The following C17orf100 variants were observed in gnomAD, a reference collection of about 807,000 sequenced individuals.
C17orf100 encodes the protein chromosome 17 open reading frame 100, also known as uncharacterized protein C17orf100.
In C17orf100, 1 loss-of-function variant was observed where a neutral mutation model predicts 0.7. That is an observed-to-expected ratio of 1.50 (90% CI 0.53 to 7.13). C17orf100 has a LOEUF of 7.13. Ranked by LOEUF, C17orf100 falls within the 30% of genes most tolerant of loss-of-function variation. The probability of loss-of-function intolerance (pLI) is 0.14; values close to 1 mark genes in which losing one functional copy is unlikely to be tolerated. For synonymous variants in C17orf100, 87 were observed against 84.0 expected (o/e 1.04, Z -0.20); for missense variants, 168 against 171.5 (o/e 0.98, Z 0.11).
Position 6,651,776 on chromosome 17 carries a change from A to G in C17orf100, c.-138A>G. 6.9e-7 allele frequency: 1 copy of G among 1,444,446 alleles called. No homozygotes were observed. The highest frequency in any genetic ancestry group is 9.0e-7 in the Non-Finnish European group (1 of 1,105,262). The allele number at this position is 1,444,446 out of a possible 1,614,324, so 89.5% of individuals were successfully genotyped here. ...AGGAGTCCAGTGTTTTAGCCTTCGA[A>G]GGACCATGGTGCTTCCACGTCATCG... On this transcript the variant is annotated 5_prime_UTR_variant, in exon 1 of 1. Coordinates refer to ENST00000542475, the MANE Select transcript of C17orf100 (RefSeq NM_001105520.2).
chr17:6,652,078 C>T lies in C17orf100; in HGVS notation c.165C>T (p.Pro55=), dbSNP rs771908206. 1.1e-5 allele frequency: 17 copies of T among 1,572,458 alleles called. No homozygotes were observed. Among genetic ancestry groups the T allele is most frequent in the Non-Finnish European group, 1.3e-5 (15 of 1,162,894 alleles). The change falls in exon 1 of 1, where the codon CCC becomes CCT. Residue 55 remains proline (P), a synonymous_variant. Coordinates refer to ENST00000542475, the MANE Select transcript of C17orf100 (RefSeq NM_001105520.2). Reference sequence around the variant, plus strand: ...GCAGCGAGGGGCCCTCCCTCTCCCCCTCGGGGAAGCGGCTCCCTCGCATCC... The same window carrying T: ...GCAGCGAGGGGCCCTCCCTCTCCCCTTCGGGGAAGCGGCTCCCTCGCATCC... ...QRRSEGPSLS[P]SGKRLPRILE...
In C17orf100 at chr17:6,652,026, C is replaced by G. The variant is rs201716457; in HGVS notation, c.113C>G (p.Ser38Cys). The part of the protein sequence containing the change: ...ETSSHRVETS[S>C]RRVETSQRRS... ...TCGTCCCACCGCGTGGAGACGTCGT[C>G]CCGGCGGGTGGAGACCTCCCAGCGC... The change falls in exon 1 of 1, where the codon TCC (serine) becomes TGC (cysteine). Residue 38 changes from serine (S) to cysteine (C), a missense_variant. Physicochemically the swap from Ser to Cys is moderately radical, Grantham distance 112 (BLOSUM62 -1). Coordinates refer to ENST00000542475, the MANE Select transcript of C17orf100 (RefSeq NM_001105520.2). The G allele has an allele frequency of 1.4e-3, 2,173 of 1,554,994 alleles. 36 individuals carry two copies. Among genetic ancestry groups the G allele is most frequent in the Non-Finnish European group, 2.9e-4 (328 of 1,150,176 alleles).
chr17:6,651,923 GC>G lies in C17orf100; in HGVS notation c.13del (p.Arg5GlufsTer86). The G allele has an allele frequency of 6.7e-7, 1 of 1,491,870 alleles. No homozygotes were observed. The highest frequency in any genetic ancestry group is 9.0e-7 in the Non-Finnish European group (1 of 1,115,784). The allele number at this position is 1,491,870 out of a possible 1,614,324, so 92.4% of individuals were successfully genotyped here. On this transcript the variant is annotated frameshift_variant, in exon 1 of 1. Coordinates refer to ENST00000542475, the MANE Select transcript of C17orf100 (RefSeq NM_001105520.2). LOFTEE classifies it low-confidence loss of function (END_TRUNC). MAS[A>X]RGAKQSSPRV... Reference sequence around the variant, plus strand: ...CCCTCACGCCGGCAGAATGGCCTCAGCCCGAGGGGCCAAGCAGTCTTCGCCC... The same window carrying G: ...CCCTCACGCCGGCAGAATGGCCTCAGCCGAGGGGCCAAGCAGTCTTCGCCC...
chr17:6,652,219 G>A lies in C17orf100; in HGVS notation c.306G>A (p.Pro102=), dbSNP rs763543274. 3.7e-6 allele frequency: 6 copies of A among 1,606,980 alleles called. No homozygotes were observed. The South Asian group carries it at 6.6e-5, about 18-fold the overall frequency. ...CGTCTCTGCACTGCGCGGAGAGCCC[G>A]ACCCCGCGGGCCAAGCCGGCCGCCC... is the stretch of plus-strand genomic sequence containing the variant. ...VETSLHCAES[P]TPRAKPAARQ... The change falls in exon 1 of 1, where the codon CCG becomes CCA. Residue 102 remains proline (P), a synonymous_variant. Coordinates refer to ENST00000542475, the MANE Select transcript of C17orf100 (RefSeq NM_001105520.2).
At position 6,652,428 on chromosome 17, in the gene C17orf100, T is replaced by A. The variant is rs1478469303; in HGVS notation, c.*158T>A. On this transcript the variant is annotated 3_prime_UTR_variant, in exon 1 of 1. Coordinates refer to ENST00000542475, the MANE Select transcript of C17orf100 (RefSeq NM_001105520.2). ...AATGTAAGAAACAGCCAAGCCGCAG[T>A]TTCTGAACACAGCCAACGTTTACTG... 28 of 1,496,402 alleles carry A rather than the reference T, an allele frequency of 1.9e-5. No homozygotes were observed. The South Asian group carries it at 3.1e-4, about 17-fold the overall frequency. 92.7% of individuals were successfully genotyped at this position (1,496,402 alleles called of 1,614,324 possible).
chr17:6,652,334 T>C lies in C17orf100; in HGVS notation c.*64T>C, dbSNP rs745688682. On this transcript the variant is annotated 3_prime_UTR_variant, in exon 1 of 1. Transcript: ENST00000542475. ...TCAGCCAGGACAGAAAGGCCTCCAG[T>C]TGCCAGCCAGCCAGCCAGCTGCCAG... is the stretch of plus-strand genomic sequence containing the variant. 11 of 1,596,160 alleles carry C rather than the reference T, an allele frequency of 6.9e-6. No homozygotes were observed. The highest frequency in any genetic ancestry group is 8.5e-6 in the Non-Finnish European group (10 of 1,172,680).
In C17orf100 at chr17:6,652,565, A is replaced by G; in HGVS notation, c.*295A>G. On this transcript the variant is annotated 3_prime_UTR_variant, in exon 1 of 1. Transcript: ENST00000542475. ...TGCTGTCTAAATCGGGTTGATGGAC[A>G]AAGAGAGGCTGTTTGAGCCTCTGAG... The G allele has an allele frequency of 5.7e-6, 7 of 1,238,308 alleles. No homozygotes were observed. The highest frequency in any genetic ancestry group is 6.4e-6 in the Non-Finnish European group (6 of 943,568). 76.7% of individuals were successfully genotyped at this position (1,238,308 alleles called of 1,614,324 possible).
Position 6,652,306 on chromosome 17 carries a change from C to T in C17orf100, c.*36C>T. ...CCCAAAGGCCACCAAGGGGCCAGGG[C>T]CCTCAGCCAGGACAGAAAGGCCTCC... On this transcript the variant is annotated 3_prime_UTR_variant, in exon 1 of 1. Coordinates refer to ENST00000542475, the MANE Select transcript of C17orf100 (RefSeq NM_001105520.2). 1 of 1,608,770 alleles carries T rather than the reference C, an allele frequency of 6.2e-7. No individual in the cohort carries two copies. The highest frequency in any genetic ancestry group is 8.5e-7 in the Non-Finnish European group (1 of 1,178,294).
Position 6,651,929 on chromosome 17 carries a change from G to C in C17orf100, c.16G>C (p.Gly6Arg). 1 of 1,496,114 alleles carries C rather than the reference G, an allele frequency of 6.7e-7. No homozygotes were observed. The highest frequency in any genetic ancestry group is 8.9e-7 in the Non-Finnish European group (1 of 1,117,836). The allele number at this position is 1,496,114 out of a possible 1,614,324, so 92.7% of individuals were successfully genotyped here. A position where few individuals can be genotyped will look rare whatever the true frequency, so the allele number is the denominator to read the frequency against. ...CGCCGGCAGAATGGCCTCAGCCCGA[G>C]GGGCCAAGCAGTCTTCGCCCCGGGT... MASAR[G>R]AKQSSPRVGT... Residue 6 changes from glycine (G) to arginine (R), a missense_variant, in exon 1 of 1, where the codon GGG becomes CGG. Transcript: ENST00000542475.
chr17:6,652,000 C>G lies in C17orf100; in HGVS notation c.87C>G (p.Thr29=), dbSNP rs1312101061. The G allele has an allele frequency of 5.8e-6, 9 of 1,554,570 alleles. No homozygotes were observed. The highest frequency in any genetic ancestry group is 5.2e-6 in the Non-Finnish European group (6 of 1,149,194). Reference sequence around the variant, plus strand: ...AGACGTCCACGGTCCGCGTGGAGACCTCGTCCCACCGCGTGGAGACGTCGT... The same window carrying G: ...AGACGTCCACGGTCCGCGTGGAGACGTCGTCCCACCGCGTGGAGACGTCGT... ...YTETSTVRVE[T]SSHRVETSSR... is the part of the protein sequence containing the mutation. Residue 29 remains threonine, a synonymous_variant, in exon 1 of 1, where the codon ACC becomes ACG. Coordinates refer to ENST00000542475, the MANE Select transcript of C17orf100 (RefSeq NM_001105520.2).
At position 6,652,104 on chromosome 17, in the gene C17orf100, T is replaced by C. The variant is rs1972848068; in HGVS notation, c.191T>C (p.Leu64Pro). The C allele has an allele frequency of 1.3e-6, 2 of 1,585,622 alleles. No homozygotes were observed. The highest frequency in any genetic ancestry group is 2.3e-5 in the South Asian group (2 of 87,898). ...SPSGKRLPRI[L>P]EASSRHVESS... ...TCGGGGAAGCGGCTCCCTCGCATCC[T>C]CGAGGCGTCCTCCCGGCACGTGGAA... is the stretch of plus-strand genomic sequence containing the variant. Residue 64 changes from leucine (L) to proline (P), a missense_variant, in exon 1 of 1, where the codon CTC becomes CCC. Transcript: ENST00000542475.
chr17:6,652,057 C>A lies in C17orf100; in HGVS notation c.144C>A (p.Ser48Arg). The change falls in exon 1 of 1, where the codon AGC (serine) becomes AGA (arginine). Residue 48 changes from serine to arginine, a missense_variant. Coordinates refer to ENST00000542475, the MANE Select transcript of C17orf100 (RefSeq NM_001105520.2). ...SRRVETSQRR[S>R]EGPSLSPSGK... is the part of the protein sequence containing the mutation. ...GGGTGGAGACCTCCCAGCGCCGCAG[C>A]GAGGGGCCCTCCCTCTCCCCCTCGG... 6.4e-7 allele frequency: 1 copy of A among 1,559,502 alleles called. No individual in the cohort carries two copies.
Position 6,652,485 on chromosome 17 carries a change from G to C in C17orf100, c.*215G>C. ...CTGCGTCTTGGACCAGCCTACTTTT[G>C]ACCCAGTGAACTATTTTCACTTGAA... On this transcript the variant is annotated 3_prime_UTR_variant, in exon 1 of 1. Transcript: ENST00000542475. The C allele has an allele frequency of 6.9e-7, 1 of 1,451,400 alleles. No homozygotes were observed. The highest frequency in any genetic ancestry group is 2.8e-5 in the Admixed American group (1 of 35,110). 89.9% of individuals were successfully genotyped at this position (1,451,400 alleles called of 1,614,324 possible). A position where few individuals can be genotyped will look rare whatever the true frequency, so the allele number is the denominator to read the frequency against.
In C17orf100 at chr17:6,653,132, A is replaced by C. The variant is rs1185927582; in HGVS notation, c.*862A>C. ...AGAACACCTAAAGTTGAGCAAAATCATCTAACAGAAAGCCTGTTTTATAAT... is the reference window on the plus strand; with the variant it reads ...AGAACACCTAAAGTTGAGCAAAATCCTCTAACAGAAAGCCTGTTTTATAAT... On this transcript the variant is annotated 3_prime_UTR_variant, in exon 1 of 1. Coordinates refer to ENST00000542475, the MANE Select transcript of C17orf100 (RefSeq NM_001105520.2). 1 of 166,716 alleles carries C rather than the reference A, an allele frequency of 6.0e-6. No individual in the cohort carries two copies. The allele number at this position is 166,716 out of a possible 1,614,324, so 10.3% of individuals were successfully genotyped here.
chr17:6,651,897 C>A lies in C17orf100; in HGVS notation c.-17C>A. 1 of 1,467,024 alleles carries A rather than the reference C, an allele frequency of 6.8e-7. No individual in the cohort carries two copies. The highest frequency in any genetic ancestry group is 9.0e-7 in the Non-Finnish European group (1 of 1,106,244). 90.9% of individuals were successfully genotyped at this position (1,467,024 alleles called of 1,614,324 possible). A position where few individuals can be genotyped will look rare whatever the true frequency, so the allele number is the denominator to read the frequency against. ...TAGGGTGCCCCGAGGCCTCCCTGGC[C>A]CCCTCACGCCGGCAGAATGGCCTCA... On this transcript the variant is annotated 5_prime_UTR_variant, in exon 1 of 1. Coordinates refer to ENST00000542475, the MANE Select transcript of C17orf100 (RefSeq NM_001105520.2).
At position 6,652,227 on chromosome 17, in the gene C17orf100, G is replaced by T. The variant is rs998218485; in HGVS notation, c.314G>T (p.Arg105Leu). 1.0e-4 allele frequency: 167 copies of T among 1,607,870 alleles called. No homozygotes were observed. Among genetic ancestry groups the T allele is most frequent in the Non-Finnish European group, 1.2e-4 (137 of 1,179,712 alleles). ...SLHCAESPTP[R>L]AKPAARQNEK... Reference sequence around the variant, plus strand: ...CACTGCGCGGAGAGCCCGACCCCGCGGGCCAAGCCGGCCGCCCGCCAGAAC... The same window carrying T: ...CACTGCGCGGAGAGCCCGACCCCGCTGGCCAAGCCGGCCGCCCGCCAGAAC... Residue 105 changes from arginine to leucine, a missense_variant, in exon 1 of 1, where the codon CGG becomes CTG. Transcript: ENST00000542475.
chr17:6,652,763 G>A lies in C17orf100; in HGVS notation c.*493G>A, dbSNP rs79612349. 1,684 of 175,898 alleles carry A rather than the reference G, an allele frequency of 9.6e-3. 35 individuals carry two copies. Among genetic ancestry groups the A allele is most frequent in the African/African-American group, 0.037 (1,551 of 41,624 alleles). 10.9% of individuals were successfully genotyped at this position (175,898 alleles called of 1,614,324 possible). On this transcript the variant is annotated 3_prime_UTR_variant, in exon 1 of 1. Transcript: ENST00000542475. ...TGTTTATGTTTCAAAGTAAATGGTC[G>A]TTTTCTTTATGCTAAGTCTTTGTAC...
rs746954466 is a variant in C17orf100, at chr17:6,652,266, G to A, written c.353G>A (p.Arg118Gln). 10 of 1,611,726 alleles carry A rather than the reference G, an allele frequency of 6.2e-6. No homozygotes were observed. Among genetic ancestry groups the A allele is most frequent in the Non-Finnish European group, 8.5e-6 (10 of 1,179,754 alleles). ...PAARQNEKTA[R>Q] Reference sequence around the variant, plus strand: ...GCCCGCCAGAACGAAAAAACGGCCCGATGAGATGCTGCTTCCCAAAGGCCA... The same window carrying A: ...GCCCGCCAGAACGAAAAAACGGCCCAATGAGATGCTGCTTCCCAAAGGCCA... Residue 118 changes from arginine (R) to glutamine (Q), a missense_variant, in exon 1 of 1, where the codon CGA becomes CAA. Transcript: ENST00000542475.
Position 6,652,284 on chromosome 17 carries a change from A to G in C17orf100, c.*14A>G. 6.2e-7 allele frequency: 1 copy of G among 1,611,754 alleles called. No homozygotes were observed. On this transcript the variant is annotated 3_prime_UTR_variant, in exon 1 of 1. Transcript: ENST00000542475. ...ACGGCCCGATGAGATGCTGCTTCCCAAAGGCCACCAAGGGGCCAGGGCCCT... is the reference window on the plus strand; with the variant it reads ...ACGGCCCGATGAGATGCTGCTTCCCGAAGGCCACCAAGGGGCCAGGGCCCT...
Sources: gnomAD v4.1 joint callset for allele counts on GRCh38, gnomAD v4.1.1 for gene constraint, MANE v1.5 for transcripts, NCBI Gene and HGNC (gene_info 2026-07-23, HGNC 2026-07-21) for gene names.